Variants in SLC14A2 observed in about 807,000 individuals in gnomAD.
SLC14A2 encodes urea transporter 2.
A neutral mutation model predicts 104.6 loss-of-function variants in SLC14A2; 91 were observed. The observed-to-expected ratio is 0.87, with a 90% confidence interval of 0.73 to 1.04. The LOEUF is 1.04. SLC14A2 is among the 50% of genes least tolerant of loss of function. The pLI, the probability that SLC14A2 is intolerant of heterozygous loss-of-function variation, is 0.00. For synonymous variants in SLC14A2, 476 were observed against 466.4 expected, an observed-to-expected ratio of 1.02 and a Z score of -0.27; for missense variants, 1,189 against 1,156.0, an observed-to-expected ratio of 1.03 and a Z score of -0.41.
At chr18:45,323,791 T>C (rs990901714) in intron 1 of SLC14A2, among the ~76,000 whole-genome samples, 1 of 152,180 alleles carries the variant, frequency 6.6e-6, no homozygotes, top group African/African-American at 2.4e-5. Context: ...AACACCAGTA[T>C]GTAGTCTCAG....
intron 1 of SLC14A2, among the ~76,000 whole-genome samples, chr18:45,397,258 T>G (rs1302062606): frequency 6.6e-6 from 1 of 152,204 alleles, no homozygotes; most frequent in Non-Finnish European, 1.5e-5. Context: ...CCACAATGGT[T>G]GAAGTAATTT....
chr18:45,637,178 C>T lies in SLC14A2; in HGVS notation c.839C>T (p.Pro280Leu), dbSNP rs752296232. 3.7e-6 allele frequency: 6 copies of T among 1,613,394 alleles called. No homozygotes were observed. The African/African-American group carries it at 4.0e-5, about 11-fold the overall frequency. The change falls in exon 6 of 20, where the codon CCC becomes CTC. Residue 280 changes from proline to leucine, a missense_variant. Coordinates refer to ENST00000255226, the MANE Select transcript of SLC14A2 (RefSeq NM_007163.4). ...PNITWTEMEM[P>L]LLLQAIPVGV... ...ATCACCTGGACAGAGATGGAAATGC[C>T]CCTGGTAAGTTACCCAGCGGTGATG... is the stretch of plus-strand genomic sequence containing the variant.
At chr18:45,629,458 G>T (rs552279746) in intron 4 of SLC14A2, among the ~76,000 whole-genome samples, 1 of 152,290 alleles carries the variant, frequency 6.6e-6, no homozygotes, top group East Asian at 1.9e-4. Flanking sequence ...ACAGAACTGA[G>T]CCCCTGGCAG....
chr18:45,546,661 A>C (rs969882689), intron 2 of SLC14A2, among the ~76,000 whole-genome samples: 2 of 152,218 alleles, frequency 1.3e-5, no homozygotes, highest in Non-Finnish European at 2.9e-5. Flanking sequence ...ACTGATTTCA[A>C]ATCTATCACT....
chr18:45,388,580 G>C (rs1053284324), intron 1 of SLC14A2, among the ~76,000 whole-genome samples: 2 of 152,034 alleles, frequency 1.3e-5, no homozygotes, highest in Non-Finnish European at 2.9e-5. Context: ...GAATACCTGG[G>C]GTTGAAGATT....
At chr18:45,323,024 A>G (rs1033863731) in intron 1 of SLC14A2, among the ~76,000 whole-genome samples, 2 of 152,244 alleles carry the variant, frequency 1.3e-5, no homozygotes, top group Non-Finnish European at 2.9e-5. Flanking sequence ...ATGTAAAAAC[A>G]AAACAAACAA....
intron 11 of SLC14A2, among the ~76,000 whole-genome samples, chr18:45,664,817 T>A (rs1221939305): frequency 1.3e-5 from 2 of 152,204 alleles, no homozygotes; most frequent in Admixed American, 6.5e-5. Context: ...CAAGGGCCCC[T>A]GTAGCTCAGG....
intron 1 of SLC14A2, among the ~76,000 whole-genome samples, chr18:45,412,170 T>C (rs967058961): frequency 1.3e-5 from 2 of 152,200 alleles, no homozygotes; most frequent in African/African-American, 4.8e-5. Context: ...TGAATGAAGA[T>C]TGCAGAGTAA....
At chr18:45,489,257 TC>T in intron 2 of SLC14A2, among the ~76,000 whole-genome samples, 1 of 152,162 alleles carries the variant, frequency 6.6e-6, no homozygotes. Flanking sequence ...CTACTTATAA[TC>T]CCAGCACTTT....
intron 1 of SLC14A2, among the ~76,000 whole-genome samples, chr18:45,428,589 G>A (rs1282091573): frequency 1.3e-5 from 2 of 152,140 alleles, no homozygotes; most frequent in African/African-American, 4.8e-5. Flanking sequence ...CACCCCCAGG[G>A]CACATACCCC....
At position 45,579,623 on chromosome 18, in the gene SLC14A2, A is replaced by C. The variant is rs564826482; in HGVS notation, c.-34-45008A>C. 5.3e-5 allele frequency among the ~76,000 whole-genome samples: 8 copies of C among 152,380 alleles called. No individual in the cohort carries two copies. In the South Asian group the frequency reaches 1.7e-3, roughly 32 times the overall value. ...TGCCTTTCTAAGCTTTCATGTCAGC[A>C]GCATGAAATCAAGAGTTCACTCATT... On this transcript the variant is annotated intron_variant, in intron 2 of 20. Coordinates refer to the SLC14A2 transcript ENST00000586448.
At chr18:45,615,923 T>C (rs71356502) in intron 1 of SLC14A2, among the ~76,000 whole-genome samples, 1 of 151,872 alleles carries the variant, frequency 6.6e-6, no homozygotes, top group Non-Finnish European at 1.5e-5. Context: ...GAGGTCACCA[T>C]GCTCCTAAGA....
chr18:45,279,148 C>G (rs73952831), intron 1 of SLC14A2, among the ~76,000 whole-genome samples: 360 of 152,274 alleles, frequency 2.4e-3, no homozygotes, highest in African/African-American at 8.0e-3. Context: ...TACTGACTGT[C>G]CAGTGGGCCA....
intron 2 of SLC14A2, among the ~76,000 whole-genome samples, chr18:45,597,077 G>A (rs2044726905): frequency 6.6e-6 from 1 of 152,232 alleles, no homozygotes; most frequent in African/African-American, 2.4e-5. Context: ...CAGCACGTTG[G>A]GAGGCCGAGG....
At chr18:45,234,883 C>T (rs10221386) in intron 1 of SLC14A2, among the ~76,000 whole-genome samples, 2,868 of 151,826 alleles carry the variant, frequency 0.019, 73 homozygotes, top group African/African-American at 0.066. Context: ...TATCCAATAC[C>T]TTATTTAGTC....
intron 2 of SLC14A2, among the ~76,000 whole-genome samples, chr18:45,566,542 CACACAG>C (rs957496131): frequency 7.9e-5 from 12 of 151,216 alleles, no homozygotes; most frequent in African/African-American, 2.9e-4. Flanking sequence ...CACACACACA[CACACAG>C]TGTCCACATC....
intron 2 of SLC14A2, among the ~76,000 whole-genome samples, chr18:45,536,576 T>G (rs1202202254): frequency 6.6e-6 from 1 of 152,142 alleles, no homozygotes; most frequent in East Asian, 1.9e-4. Context: ...TCATGTCAGA[T>G]TAAGAGCCGC....
At chr18:45,404,622 G>C (rs796657397) in intron 1 of SLC14A2, among the ~76,000 whole-genome samples, 39 of 152,318 alleles carry the variant, frequency 2.6e-4, no homozygotes, top group African/African-American at 8.9e-4. Context: ...TAGTGAGTCA[G>C]TCTCTCAAGG....
chr18:45,454,356 CT>C (rs2144620918), intron 1 of SLC14A2, among the ~76,000 whole-genome samples: 1 of 152,250 alleles, frequency 6.6e-6, no homozygotes, highest in Non-Finnish European at 1.5e-5. Context: ...TAAGAAATGT[CT>C]TTTTCTTGTA....
Sources: allele counts gnomAD v4.1 joint callset (sites outside exome capture counted in the v4.1 genomes callset), GRCh38; gene constraint gnomAD v4.1.1; transcripts MANE v1.5; gene names NCBI Gene and HGNC (gene_info 2026-07-23, HGNC 2026-07-21).